CNNM2: variants seen among roughly 807,000 people sequenced by gnomAD.
The protein encoded by CNNM2 is cyclin and CBS domain divalent metal cation transport mediator 2.
In CNNM2, 12 loss-of-function variants were observed where a neutral mutation model predicts 66.9. The ratio of observed to expected loss-of-function variants is 0.18; its 90% confidence interval spans 0.11 to 0.29. The LOEUF (loss-of-function observed/expected upper bound fraction) is 0.29, where lower values mean the gene tolerates loss of function less well. Ranked by LOEUF, CNNM2 falls within the 10% of genes least tolerant of loss-of-function variation. CNNM2 has a pLI of 1.00. For synonymous variants in CNNM2, 557 were observed against 501.8 expected, an observed-to-expected ratio of 1.11 and a Z score of -1.47; for missense variants, 705 against 1,167.7, an observed-to-expected ratio of 0.60 and a Z score of 5.77.
intron 1 of CNNM2, among the ~76,000 whole-genome samples, chr10:102,980,894 C>T (rs1000809317): frequency 2.0e-5 from 3 of 152,182 alleles, no homozygotes; most frequent in Non-Finnish European, 4.4e-5. Flanking sequence ...CTTTTCTTCA[C>T]ATCACCAGCT....
rs776585067 is a variant in CNNM2 at position 103,076,120 on chromosome 10, GA to G, written c.2270del (p.Asn757IlefsTer60). 1 of 1,611,848 alleles carries G rather than the reference GA, an allele frequency of 6.2e-7. No individual in the cohort carries two copies. The highest frequency in any genetic ancestry group is 1.3e-5 in the African/African-American group (1 of 75,010). Reference sequence around the variant, plus strand: ...AGTCCCCTCCTCGCCCATGTGGCTTGAATCACTCAGACTCTCTCAGTCGAAG... The same window carrying G: ...AGTCCCCTCCTCGCCCATGTGGCTTGATCACTCAGACTCTCTCAGTCGAAG... ...NKSPPRPCGL[N>X]HSDSLSRSDR... On this transcript the variant is annotated frameshift_variant, in exon 7 of 8. Transcript: ENST00000369878. LOFTEE classifies it high-confidence loss of function.
intron 1 of CNNM2, among the ~76,000 whole-genome samples, chr10:103,024,811 T>C (rs538611836): frequency 3.9e-5 from 6 of 152,226 alleles, no homozygotes; most frequent in Admixed American, 2.0e-4. Context: ...AAGCTAGTTG[T>C]TTTGTAGAGT....
rs542801000 is a variant in CNNM2, at chr10:102,934,413, T to G, written c.1621+14312T>G. 2.7e-4 allele frequency among the ~76,000 whole-genome samples: 41 copies of G among 151,814 alleles called. No individual in the cohort carries two copies. In the South Asian group the frequency reaches 3.5e-3, roughly 13 times the overall value. On this transcript the variant is annotated intron_variant, in intron 1 of 7. Transcript: ENST00000369878. ...CTCCTGCCTCAGCCTCCCAAGTAGC[T>G]GGGACTACAGGCGCCTGCCACCACA...
At chr10:103,003,040 GT>G (rs1440189638) in intron 1 of CNNM2, among the ~76,000 whole-genome samples, 1 of 151,926 alleles carries the variant, frequency 6.6e-6, no homozygotes, top group African/African-American at 2.4e-5. Flanking sequence ...AATAAATGTG[GT>G]GTATCCATGC....
intron 1 of CNNM2, among the ~76,000 whole-genome samples, chr10:103,004,750 TGA>T (rs985654949): frequency 1.3e-5 from 2 of 152,270 alleles, no homozygotes; most frequent in African/African-American, 4.8e-5. Flanking sequence ...TAGGTGTGTG[TGA>T]GTCTGTTTCG....
chr10:103,084,870 A>T lies in CNNM2; in HGVS notation c.*7690A>T, dbSNP rs2065788999. On this transcript the variant is annotated 3_prime_UTR_variant, in exon 8 of 8. Transcript: ENST00000369878. ...GAGTTGATTTCTGGAAACTTATTTT[A>T]TACTTTTTGAAGGTAATTTAAAAGA... 6.6e-6 allele frequency: 1 copy of T among 152,154 alleles called. No homozygotes were observed. The highest frequency in any genetic ancestry group is 2.1e-4 in the South Asian group (1 of 4,822). The allele number at this position is 152,154 out of a possible 1,614,324, so 9.4% of individuals were successfully genotyped here.
At chr10:103,074,314 G>A (rs1040278348) in intron 6 of CNNM2, among the ~76,000 whole-genome samples, 6 of 151,896 alleles carry the variant, frequency 4.0e-5, no homozygotes, top group East Asian at 1.9e-4. Flanking sequence ...AAGGGTACCC[G>A]GTACCATCAT....
At chr10:103,011,460 A>G (rs1028415431) in intron 1 of CNNM2, among the ~76,000 whole-genome samples, 4 of 151,956 alleles carry the variant, frequency 2.6e-5, no homozygotes, top group Admixed American at 2.0e-4. Context: ...CTCAAAAAAT[A>G]AAAGCATTCC....
In CNNM2 at chr10:102,981,826, G is replaced by T. The variant is rs55833108; in HGVS notation, c.1621+61725G>T. 0.14 allele frequency among the ~76,000 whole-genome samples: 21,181 copies of T among 151,166 alleles called. 1,942 individuals carry two copies. The highest frequency in any genetic ancestry group is 0.21 in the Non-Finnish European group (13,966 of 67,790). On this transcript the variant is annotated intron_variant, in intron 1 of 7. Transcript: ENST00000369878. ...GGCCATATGTCTAGGATAGTTGGCT[G>T]GGAGGCTCTGCTGATCTCGAGGGTT...
intron 1 of CNNM2, among the ~76,000 whole-genome samples, chr10:103,010,820 C>T (rs377420892): frequency 6.6e-6 from 1 of 152,148 alleles, no homozygotes; most frequent in Non-Finnish European, 1.5e-5. Flanking sequence ...ACCATGTTGG[C>T]CAGCCTGGTC....
At chr10:102,927,195 G>A (rs939900343) in intron 1 of CNNM2, 1 of 918,734 alleles carries the variant, frequency 1.1e-6, no homozygotes. Flanking sequence ...ATGTGTGTAT[G>A]TATATGTTAT....
At chr10:102,959,971 G>C (rs2063354060) in intron 1 of CNNM2, among the ~76,000 whole-genome samples, 2 of 151,792 alleles carry the variant, frequency 1.3e-5, no homozygotes. Context: ...AAAATGGTGT[G>C]AACCCGGGAG....
Position 102,963,644 on chromosome 10 carries a change from C to CT in CNNM2, c.1621+43552dup, listed in dbSNP as rs71019640. Among the ~76,000 whole-genome samples, 28,464 of 151,504 alleles carry CT rather than the reference C, an allele frequency of 0.19. 2,852 individuals are homozygous for CT. Among genetic ancestry groups the CT allele is most frequent in the Non-Finnish European group, 0.22 (14,995 of 67,842 alleles). On this transcript the variant is annotated intron_variant, in intron 1 of 7. Transcript: ENST00000369878. ...TTGTAAACAGTTTTTATTTTTCTTT[C>CT]TTTTTTTTTATTAAACACATTGATT...
intron 1 of CNNM2, among the ~76,000 whole-genome samples, chr10:102,962,848 C>T (rs2063404085): frequency 2.0e-5 from 3 of 151,958 alleles, no homozygotes; most frequent in African/African-American, 7.3e-5. Flanking sequence ...AGCATTTATC[C>T]TATAATCAGA....
intron 1 of CNNM2, among the ~76,000 whole-genome samples, chr10:103,037,217 T>C (rs1266408221): frequency 1.3e-5 from 2 of 149,950 alleles, no homozygotes; most frequent in Non-Finnish European, 3.0e-5. Flanking sequence ...CATCTATATA[T>C]ATTTAGCCCT....
At position 103,085,316 on chromosome 10, in the gene CNNM2, A is replaced by G. The variant is rs549653451; in HGVS notation, c.*8136A>G. The G allele has an allele frequency of 6.6e-6, 1 of 152,354 alleles. No homozygotes were observed. The highest frequency in any genetic ancestry group is 2.1e-4 in the South Asian group (1 of 4,828). The allele number at this position is 152,354 out of a possible 1,614,324, so 9.4% of individuals were successfully genotyped here. ...AAGTGACTTGTTTAAAGATACCCAC[A>G]CACTCAAGTCAAAGATAACTCTGGT... On this transcript the variant is annotated 3_prime_UTR_variant, in exon 8 of 8. Coordinates refer to ENST00000369878, the MANE Select transcript of CNNM2 (RefSeq NM_017649.5).
chr10:103,039,865 A>C (rs2065008644), intron 1 of CNNM2, among the ~76,000 whole-genome samples: 1 of 152,132 alleles, frequency 6.6e-6, no homozygotes, highest in Non-Finnish European at 1.5e-5. Context: ...TCACAAACTT[A>C]GTATAAGAAA....
chr10:103,028,814 C>CTTTTTTTTT (rs67846722), intron 1 of CNNM2, among the ~76,000 whole-genome samples: 4 of 126,188 alleles, frequency 3.2e-5, no homozygotes, highest in Non-Finnish European at 4.8e-5. Flanking sequence ...TTTTCTTTTT[C>CTTTTTTTTT]TTTTTTTTTT....
chr10:103,021,596 G>A (rs2064581772), intron 1 of CNNM2, among the ~76,000 whole-genome samples: 1 of 152,174 alleles, frequency 6.6e-6, no homozygotes, highest in Non-Finnish European at 1.5e-5. Context: ...AGTGAGACCT[G>A]TAGGGTGATA....
Sources: allele counts gnomAD v4.1 joint callset (sites outside exome capture counted in the v4.1 genomes callset), GRCh38; gene constraint gnomAD v4.1.1; transcripts MANE v1.5; gene names NCBI Gene and HGNC (gene_info 2026-07-23, HGNC 2026-07-21).